The following DNAJC27 variants were observed in gnomAD, a reference collection of about 807,000 sequenced individuals.
DNAJC27 encodes the protein dnaJ homolog subfamily C member 27.
In DNAJC27, 25 loss-of-function variants were observed where a neutral mutation model predicts 31.4. The observed-to-expected ratio is 0.80, with a 90% confidence interval of 0.58 to 1.11. The LOEUF (loss-of-function observed/expected upper bound fraction) is 1.11, where lower values mean the gene tolerates loss of function less well. Ranked by LOEUF, DNAJC27 falls within the 50% of genes most tolerant of loss-of-function variation. DNAJC27 has a pLI of 0.00. For missense variants in DNAJC27, 356 were observed against 347.3 expected (o/e 1.02, Z -0.20); for synonymous variants, 106 against 112.7 (o/e 0.94, Z 0.37).
chr2:24,951,872 G>C (rs917186545), intron 5 of DNAJC27, among the ~76,000 whole-genome samples: 1 of 152,188 alleles, frequency 6.6e-6, no homozygotes, highest in Admixed American at 6.5e-5. Flanking sequence ...ATTTTGGGAG[G>C]CCGAGGCAGG....
In DNAJC27 at chr2:24,970,460, CTT is replaced by C. The variant is rs35742187; in HGVS notation, c.87+1356_87+1357del. Among the ~76,000 whole-genome samples the C allele has an allele frequency of 2.2e-3, 263 of 120,082 alleles. 1 individual carries two copies. Among genetic ancestry groups the C allele is most frequent in the African/African-American group, 7.4e-3 (233 of 31,440 alleles). 78.8% of individuals were successfully genotyped at this position (120,082 alleles called of 152,430 possible). ...TGTATCATTAGGCACAGTAAAATTA[CTT>C]TTTTTTTTTTTTTTTTTTTTGAGAC... On this transcript the variant is annotated intron_variant, in intron 1 of 6. Transcript: ENST00000264711.
intron 6 of DNAJC27, 101 bp from the exon 7 acceptor site, chr2:24,947,849 C>A (rs2149119532): frequency 1.5e-6 from 2 of 1,315,024 alleles, no homozygotes; most frequent in Non-Finnish European, 1.0e-6. Context: ...GTGAACATAT[C>A]CTAAATTATT....
intron 3 of DNAJC27, among the ~76,000 whole-genome samples, chr2:24,961,482 G>T (rs1220904618): frequency 1.3e-5 from 2 of 151,986 alleles, no homozygotes; most frequent in African/African-American, 4.8e-5. Context: ...AATACATTTT[G>T]CAAGGCTACA....
chr2:24,958,955 A>T (rs751188361), intron 3 of DNAJC27, among the ~76,000 whole-genome samples: 1 of 152,256 alleles, frequency 6.6e-6, no homozygotes, highest in Non-Finnish European at 1.5e-5. Context: ...AAGAAATGAA[A>T]ACATGTTATA....
Position 24,947,596 on chromosome 2 carries a change from G to A in DNAJC27, c.*20C>T. On this transcript the variant is annotated 3_prime_UTR_variant, in exon 7 of 7. Transcript: ENST00000264711. Reference sequence around the variant, plus strand: ...GTCTGTTTGCATTTGAGTCCCACATGTGGCTTTTTTCTGTACTTTCTACTT... The same window carrying A: ...GTCTGTTTGCATTTGAGTCCCACATATGGCTTTTTTCTGTACTTTCTACTT... The A allele has an allele frequency of 6.3e-7, 1 of 1,583,426 alleles. No individual in the cohort carries two copies. Among genetic ancestry groups the A allele is most frequent in the Non-Finnish European group, 8.6e-7 (1 of 1,157,566 alleles).
In DNAJC27 at chr2:24,957,914, T is replaced by G; in HGVS notation, c.301A>C (p.Lys101Gln). 6.2e-7 allele frequency: 1 copy of G among 1,614,174 alleles called. No homozygotes were observed. Among genetic ancestry groups the G allele is most frequent in the Middle Eastern group, 1.6e-4 (1 of 6,062 alleles). ...GVILVYDVGQ[K>Q]DSFDALDAWL... ...GCATCAAGGGCGTCAAAGGAGTCTT[T>G]CTGCCCAACATCATAGACCAGTATC... Residue 101 changes from lysine (K) to glutamine (Q), a missense_variant, in exon 4 of 7, where the codon AAA (lysine) becomes CAA (glutamine). Physicochemically the swap from Lys to Gln is moderately conservative, Grantham distance 53. Coordinates refer to ENST00000264711, the MANE Select transcript of DNAJC27 (RefSeq NM_016544.3).
At chr2:24,960,337 G>T (rs1558554117) in intron 3 of DNAJC27, among the ~76,000 whole-genome samples, 1 of 152,152 alleles carries the variant, frequency 6.6e-6, no homozygotes, top group Admixed American at 6.5e-5. Context: ...AATGGCTGTT[G>T]CCCCATCTCT....
Position 24,947,547 on chromosome 2 carries a change from T to G in DNAJC27, c.*69A>C. On this transcript the variant is annotated 3_prime_UTR_variant, in exon 7 of 7. Transcript: ENST00000264711. The stretch of plus-strand genomic sequence containing the variant: ...AGATTCTGGGAAGGAAAACTCCACG[T>G]TGGTTATTTCACCTCTAGGGAAAGT... The G allele has an allele frequency of 6.6e-7, 1 of 1,523,616 alleles. No individual in the cohort carries two copies. The highest frequency in any genetic ancestry group is 8.9e-7 in the Non-Finnish European group (1 of 1,124,508). 94.4% of individuals were successfully genotyped at this position (1,523,616 alleles called of 1,614,324 possible). A position where few individuals can be genotyped will look rare whatever the true frequency, so the allele number is the denominator to read the frequency against.
intron 1 of DNAJC27, among the ~76,000 whole-genome samples, chr2:24,970,254 A>G (rs1180676822): frequency 6.6e-6 from 1 of 152,126 alleles, no homozygotes; most frequent in Admixed American, 6.5e-5. Context: ...ATAGTTTTTC[A>G]GTTATTTCTC....
chr2:24,963,602 T>C, intron 2 of DNAJC27, 128 bp from the exon 3 acceptor site: 1 of 645,774 alleles, frequency 1.5e-6, no homozygotes, highest in South Asian at 2.5e-5. Context: ...CTCTTCCTCA[T>C]TCCAGATCAT....
At chr2:24,963,555 G>C in intron 2 of DNAJC27, 81 bp from the exon 3 acceptor site, 1 of 1,197,770 alleles carries the variant, frequency 8.3e-7, no homozygotes. Context: ...AATTTCAAAA[G>C]GATATGTGTA....
At chr2:24,958,172 C>T (rs1386032754) in intron 3 of DNAJC27, among the ~76,000 whole-genome samples, 198 bp from the exon 4 acceptor site, 2 of 152,138 alleles carry the variant, frequency 1.3e-5, no homozygotes, top group Non-Finnish European at 2.9e-5. Context: ...CATAGAAGGA[C>T]TTACAATGGA....
chr2:24,955,896 C>T lies in DNAJC27; in HGVS notation c.528+1147G>A, dbSNP rs144824174. 4.0e-3 allele frequency among the ~76,000 whole-genome samples: 610 copies of T among 152,278 alleles called. 8 individuals are homozygous for T. The highest frequency in any genetic ancestry group is 0.014 in the African/African-American group (573 of 41,566). ...TAACAATACTTGCCACACATTGTTG[C>T]TGTAAGTCTCCATGAGATGAAATGT... On this transcript the variant is annotated intron_variant, in intron 5 of 6. Transcript: ENST00000264711.
chr2:24,963,515 G>A (rs1336647106), intron 2 of DNAJC27, 41 bp from the exon 3 acceptor site: 2 of 1,527,430 alleles, frequency 1.3e-6, no homozygotes, highest in Non-Finnish European at 1.8e-6. Context: ...GAAAGTCATG[G>A]TTTCTCCATT....
intron 2 of DNAJC27, among the ~76,000 whole-genome samples, chr2:24,965,342 G>A (rs1040879407): frequency 1.8e-4 from 27 of 151,922 alleles, no homozygotes; most frequent in African/African-American, 5.3e-4. Flanking sequence ...TGCAACCTCC[G>A]CCTCCGGGGT....
At chr2:24,959,779 A>G (rs1206739425) in intron 3 of DNAJC27, among the ~76,000 whole-genome samples, 2 of 151,926 alleles carry the variant, frequency 1.3e-5, no homozygotes, top group Non-Finnish European at 2.9e-5. Flanking sequence ...CCAGCCCCCT[A>G]CTCCTGCAAA....
At chr2:24,965,331 C>G (rs1666153548) in intron 2 of DNAJC27, among the ~76,000 whole-genome samples, 1 of 152,008 alleles carries the variant, frequency 6.6e-6, no homozygotes, top group African/African-American at 2.4e-5. Flanking sequence ...TCTTGGCTCA[C>G]TGCAACCTCC....
At chr2:24,950,263 G>GTCAGAA (rs1184503904) in intron 6 of DNAJC27, among the ~76,000 whole-genome samples, 2 of 152,090 alleles carry the variant, frequency 1.3e-5, no homozygotes, top group African/African-American at 4.8e-5. Flanking sequence ...ACGCTGTGAG[G>GTCAGAA]TCAGAATGGA....
intron 1 of DNAJC27, 97 bp from the exon 2 acceptor site, chr2:24,967,390 A>G (rs560452792): frequency 4.1e-6 from 4 of 969,322 alleles, no homozygotes; most frequent in Non-Finnish European, 6.2e-6. Flanking sequence ...ATTCATCACT[A>G]TGAAAAAGCA....
Sources: allele counts gnomAD v4.1 joint callset (sites outside exome capture counted in the v4.1 genomes callset), GRCh38; gene constraint gnomAD v4.1.1; transcripts MANE v1.5; gene names NCBI Gene and HGNC (gene_info 2026-07-23, HGNC 2026-07-21).